The following C2CD3 variants were observed in gnomAD, a reference collection of about 807,000 sequenced individuals.
C2CD3 encodes C2 domain-containing protein 3.
A neutral mutation model predicts 234.0 loss-of-function variants in C2CD3; 148 were observed. The ratio of observed to expected loss-of-function variants is 0.63; its 90% CI spans 0.55 to 0.72. The LOEUF is 0.72. Among genes scored for constraint, C2CD3 ranks in the 30% least tolerant of loss-of-function variants. C2CD3 has a pLI of 0.00. For synonymous variants in C2CD3, 1,000 were observed against 1,035.4 expected (o/e 0.97, Z 0.66); for missense variants, 2,577 against 2,811.5 (o/e 0.92, Z 1.89).
intron 32 of C2CD3, among the ~76,000 whole-genome samples, chr11:74,022,524 G>C (rs1952133492): frequency 6.6e-6 from 1 of 152,172 alleles, no homozygotes; most frequent in South Asian, 2.1e-4. Context: ...CATATTTGAA[G>C]TCATCAGAGT....
intron 1 of C2CD3, 36 bp downstream of exon 1, chr11:74,170,702 A>G: frequency 5.0e-6 from 8 of 1,613,654 alleles, no homozygotes; most frequent in Non-Finnish European, 5.1e-6. Context: ...CTGCTCTCCT[A>G]TTACGCTTTC....
intron 22 of C2CD3, among the ~76,000 whole-genome samples, chr11:74,082,403 C>T (rs990268554): frequency 6.6e-6 from 1 of 152,162 alleles, no homozygotes; most frequent in Non-Finnish European, 1.5e-5. Context: ...GTGTGAGCCA[C>T]TGTGCCCGGC....
intron 12 of C2CD3, among the ~76,000 whole-genome samples, chr11:74,106,784 T>C (rs1956538191): frequency 6.6e-6 from 1 of 152,194 alleles, no homozygotes; most frequent in East Asian, 1.9e-4. Context: ...AACTTCACTA[T>C]TAAAAATAAA....
intron 29 of C2CD3, among the ~76,000 whole-genome samples, chr11:74,041,676 C>T (rs1211394741): frequency 6.6e-6 from 1 of 152,190 alleles, no homozygotes; most frequent in Non-Finnish European, 1.5e-5. Context: ...GATTCTCTGG[C>T]TCAGGTGCTA....
At chr11:74,121,169 A>G (rs570400188) in intron 8 of C2CD3, among the ~76,000 whole-genome samples, 13 of 152,318 alleles carry the variant, frequency 8.5e-5, no homozygotes, top group Admixed American at 8.5e-4. Context: ...GGTCTAGTAG[A>G]AAAACATACA....
Position 74,013,545 on chromosome 11 carries a change from C to G in C2CD3, c.6922-20G>C, listed in dbSNP as rs1327014696. On this transcript the variant is annotated intron_variant, in intron 32 of 32. Transcript: ENST00000334126. ...CTTGTCCTGGAGAGGAAGAAGTCAG[C>G]TAGGTTACCACTGAGGATATGGCAC... 2 of 1,320,022 alleles carry G rather than the reference C, an allele frequency of 1.5e-6. No individual in the cohort carries two copies. The highest frequency in any genetic ancestry group is 3.0e-5 in the African/African-American group (2 of 65,596). The allele number at this position is 1,320,022 out of a possible 1,614,324, so 81.8% of individuals were successfully genotyped here.
chr11:74,092,184 C>T (rs941369810), intron 19 of C2CD3, among the ~76,000 whole-genome samples: 2 of 151,854 alleles, frequency 1.3e-5, no homozygotes, highest in African/African-American at 4.8e-5. Context: ...TCCCAAGTAG[C>T]TGGGATTACA....
chr11:74,114,003 A>C (rs895093394), intron 10 of C2CD3, 111 bp from the exon 11 acceptor site: 8 of 647,308 alleles, frequency 1.2e-5, no homozygotes, highest in East Asian at 2.8e-5. Context: ...TAGTACTCAG[A>C]GGCCCTACCT....
chr11:74,099,895 CAAAA>C (rs370465812), intron 15 of C2CD3, among the ~76,000 whole-genome samples: 2 of 91,948 alleles, frequency 2.2e-5, no homozygotes, highest in South Asian at 3.3e-4. Flanking sequence ...GACTCCGTCT[CAAAA>C]AAAAAAAAAA....
Position 74,074,250 on chromosome 11 carries a change from T to C in C2CD3, c.4951+3A>G, listed in dbSNP as rs1954927473. ...TGCTCCTGGGTAGGTGAGGAGAGCA[T>C]ACCTTTCAAGCTCAAGTGCATTGCT... On this transcript the variant is annotated splice_donor_region_variant and intron_variant, in intron 24 of 32. Transcript: ENST00000334126. 1.9e-6 allele frequency: 3 copies of C among 1,607,170 alleles called. No individual in the cohort carries two copies. Among genetic ancestry groups the C allele is most frequent in the African/African-American group, 1.3e-5 (1 of 74,826 alleles).
Position 74,168,556 on chromosome 11 carries a change from C to A in C2CD3, c.113G>T (p.Arg38Leu). 2 of 1,614,088 alleles carry A rather than the reference C, an allele frequency of 1.2e-6. No homozygotes were observed. The highest frequency in any genetic ancestry group is 1.1e-5 in the South Asian group (1 of 91,080). ...SLPPLVEGQL[R>L]CFLKLTVNRV... ...ATTAACAGTAAGTTTTAGAAAACAGCGTAGCTGGCCTTCAACCAGAGGTGG... is the reference window on the plus strand; with the variant it reads ...ATTAACAGTAAGTTTTAGAAAACAGAGTAGCTGGCCTTCAACCAGAGGTGG... Residue 38 changes from arginine to leucine, a missense_variant, in exon 2 of 33, where the codon CGC (arginine) becomes CTC (leucine). Coordinates refer to ENST00000334126, the MANE Select transcript of C2CD3 (RefSeq NM_001286577.2).
rs80019645 is a variant in C2CD3, at chr11:74,017,383, G to A, written c.6922-3858C>T. ...CCTACCTCATCCATACATGGGACCT[G>A]TTCCTTTCTGAGTACCTGGACACCC... On this transcript the variant is annotated intron_variant, in intron 32 of 32. Coordinates refer to ENST00000334126, the MANE Select transcript of C2CD3 (RefSeq NM_001286577.2). 6.2e-4 allele frequency among the ~76,000 whole-genome samples: 95 copies of A among 152,330 alleles called. No homozygotes were observed. In the East Asian group the frequency reaches 0.011, roughly 17 times the overall value.
intron 26 of C2CD3, among the ~76,000 whole-genome samples, chr11:74,052,655 G>C (rs541032861): frequency 2.6e-5 from 4 of 152,338 alleles, no homozygotes; most frequent in Admixed American, 6.5e-5. Context: ...TTGATTCAGA[G>C]AAAAGCGAGT....
At chr11:74,072,669 T>C (rs1261995174) in intron 24 of C2CD3, among the ~76,000 whole-genome samples, 3 of 152,020 alleles carry the variant, frequency 2.0e-5, no homozygotes, top group Non-Finnish European at 4.4e-5. Flanking sequence ...GGGATAAATA[T>C]ATTCCTACTA....
At chr11:74,161,652 A>G in intron 2 of C2CD3, 96 bp from the exon 3 acceptor site, 1 of 698,616 alleles carries the variant, frequency 1.4e-6, no homozygotes, top group Non-Finnish European at 2.3e-6. Context: ...AAGCTTTCTA[A>G]CTTGAAAAAA....
At chr11:74,025,710 G>A (rs948701074) in intron 32 of C2CD3, among the ~76,000 whole-genome samples, 1 of 152,226 alleles carries the variant, frequency 6.6e-6, no homozygotes, top group South Asian at 2.1e-4. Context: ...GAGTAGGGAG[G>A]ATACGAGGGC....
At chr11:74,095,091 G>T in intron 17 of C2CD3, 137 bp downstream of exon 17, 1 of 423,196 alleles carries the variant, frequency 2.4e-6, no homozygotes. Flanking sequence ...AAAAAAACTT[G>T]GCCTATCTCC....
Position 74,057,668 on chromosome 11 carries a change from CCT to C in C2CD3, c.4952-126_4952-125del, listed in dbSNP as rs377030606. On this transcript the variant is annotated intron_variant, in intron 24 of 32. Transcript: ENST00000334126. ...ATGGGGTCTTTGCTCAAGCTATCCC[CCT>C]GTGTCTGAAATGTTTTCAGGCTGGG... 3.0e-3 allele frequency: 2,947 copies of C among 991,550 alleles called. 11 individuals carry two copies. The highest frequency in any genetic ancestry group is 4.0e-3 in the Non-Finnish European group (2,655 of 663,636). 61.4% of individuals were successfully genotyped at this position (991,550 alleles called of 1,614,324 possible).
intron 32 of C2CD3, among the ~76,000 whole-genome samples, chr11:74,017,391 C>G (rs1486754788): frequency 6.6e-6 from 1 of 152,218 alleles, no homozygotes; most frequent in Non-Finnish European, 1.5e-5. Flanking sequence ...CTGTTCCTTT[C>G]TGAGTACCTG....
Sources: allele counts gnomAD v4.1 joint callset (sites outside exome capture counted in the v4.1 genomes callset), GRCh38; gene constraint gnomAD v4.1.1; transcripts MANE v1.5; gene names NCBI Gene and HGNC (gene_info 2026-07-23, HGNC 2026-07-21).